The following AK9 variants were observed in gnomAD, a reference collection of about 807,000 sequenced individuals.
AK9 encodes adenylate kinase 9.
In AK9, 191 loss-of-function variants were observed where a neutral mutation model predicts 239.6. That is an observed-to-expected ratio of 0.80 (90% CI 0.71 to 0.90). AK9 has a LOEUF of 0.90. Ranked by LOEUF, AK9 falls within the 40% of genes least tolerant of loss-of-function variation. AK9 has a pLI of 0.00. For synonymous variants in AK9, 689 were observed against 721.0 expected, an observed-to-expected ratio of 0.96 and a Z score of 0.71; for missense variants, 1,995 against 2,214.7, an observed-to-expected ratio of 0.90 and a Z score of 1.99.
rs894038870 is a variant in AK9 at position 109,661,074 on chromosome 6, C to G, written c.444+1477G>C. The G allele has an allele frequency of 2.3e-4, 75 of 328,780 alleles. 1 individual carries two copies. Among genetic ancestry groups the G allele is most frequent in the African/African-American group, 1.4e-3 (68 of 47,514 alleles). 20.4% of individuals were successfully genotyped at this position (328,780 alleles called of 1,614,324 possible). A position where few individuals can be genotyped will look rare whatever the true frequency, so the allele number is the denominator to read the frequency against. On this transcript the variant is annotated intron_variant, in intron 6 of 40. Coordinates refer to ENST00000424296, the MANE Select transcript of AK9 (RefSeq NM_001145128.3). The stretch of plus-strand genomic sequence containing the variant: ...TTTATGGATCTTGGGCTAAGAGCTT[C>G]TGCTCTAGAAATTCCAGGCTTATTC...
chr6:109,601,938 C>T (rs1295286435), intron 17 of AK9, among the ~76,000 whole-genome samples: 1 of 152,084 alleles, frequency 6.6e-6, no homozygotes, highest in African/African-American at 2.4e-5. Flanking sequence ...GTAGATCTTC[C>T]TCCATCCCTT....
chr6:109,658,478 A>C (rs1799993185), intron 7 of AK9, among the ~76,000 whole-genome samples: 1 of 152,190 alleles, frequency 6.6e-6, no homozygotes, highest in Non-Finnish European at 1.5e-5. Flanking sequence ...AAAGGGTTAG[A>C]CTTAGGCTAT....
intron 17 of AK9, among the ~76,000 whole-genome samples, chr6:109,597,843 G>T (rs1791266528): frequency 6.6e-6 from 1 of 152,038 alleles, no homozygotes; most frequent in Admixed American, 6.6e-5. Context: ...AGAAAAAAAG[G>T]AAAGTACAAC....
At chr6:109,655,335 A>T (rs1310225365) in intron 8 of AK9, among the ~76,000 whole-genome samples, 2 of 152,092 alleles carry the variant, frequency 1.3e-5, no homozygotes, top group African/African-American at 4.8e-5. Context: ...ATCATTCTTC[A>T]TTTTTGTTAA....
At chr6:109,682,215 G>T (rs576278864) in intron 1 of AK9, among the ~76,000 whole-genome samples, 1 of 152,046 alleles carries the variant, frequency 6.6e-6, no homozygotes, top group African/African-American at 2.4e-5. Context: ...CACAAGGTCA[G>T]GAGATCAAGA....
chr6:109,678,873 T>C (rs1441102208), intron 1 of AK9, among the ~76,000 whole-genome samples: 1 of 152,124 alleles, frequency 6.6e-6, no homozygotes, highest in Non-Finnish European at 1.5e-5. Context: ...CTCCCTCCCC[T>C]AGCCAAGGGA....
rs1329551835 is a variant in AK9, at chr6:109,659,280, T to C, written c.578A>G (p.Lys193Arg). The C allele has an allele frequency of 1.0e-5, 16 of 1,605,340 alleles. No homozygotes were observed. The highest frequency in any genetic ancestry group is 1.7e-5 in the Admixed American group (1 of 57,816). The change falls in exon 7 of 41, where the codon AAG becomes AGG. Residue 193 changes from lysine to arginine, a missense_variant. Physicochemically the swap from Lys to Arg is conservative, Grantham distance 26 (BLOSUM62 2). Around this residue, in one of 5 missense-constraint regions of AK9, gnomAD observed 252 missense variants for 246.4 expected, o/e 1.02. Coordinates refer to ENST00000424296, the MANE Select transcript of AK9 (RefSeq NM_001145128.3). ...TTCTTCCTCTTCTCCTTTTCCGTCC[T>C]TTTGGGCTTCTTTCTTCTTTTTCCT... The part of the protein sequence containing the change: ...NHRKKKKEAQ[K>R]DGKGEEEEEE...
chr6:109,673,176 T>C (rs1272453747), intron 3 of AK9, among the ~76,000 whole-genome samples: 1 of 152,144 alleles, frequency 6.6e-6, no homozygotes, highest in African/African-American at 2.4e-5. Context: ...AGTAAACTTT[T>C]TGAACAAAGA....
At chr6:109,507,099 A>C (rs1038752222) in intron 33 of AK9, among the ~76,000 whole-genome samples, 1 of 152,142 alleles carries the variant, frequency 6.6e-6, no homozygotes, top group Non-Finnish European at 1.5e-5. Flanking sequence ...TTGACAGATA[A>C]CTCCCACAGT....
chr6:109,495,911 G>C (rs1440199884), intron 38 of AK9, among the ~76,000 whole-genome samples: 2 of 151,344 alleles, frequency 1.3e-5, no homozygotes, highest in African/African-American at 4.9e-5. Flanking sequence ...TCCCTGCCCT[G>C]GCATCTTTGC....
intron 38 of AK9, among the ~76,000 whole-genome samples, chr6:109,497,124 T>A (rs1777120081): frequency 6.6e-6 from 1 of 151,936 alleles, no homozygotes; most frequent in Admixed American, 6.6e-5. Context: ...TTGGAACATG[T>A]CCCTCTTTTC....
intron 8 of AK9, among the ~76,000 whole-genome samples, chr6:109,645,787 C>T (rs1199470706): frequency 6.6e-6 from 1 of 152,226 alleles, no homozygotes; most frequent in Non-Finnish European, 1.5e-5. Context: ...AGTAGCCTAA[C>T]TTGGAGACAC....
chr6:109,563,570 G>C, intron 24 of AK9, 27 bp downstream of exon 24: 8 of 1,547,056 alleles, frequency 5.2e-6, no homozygotes, highest in Non-Finnish European at 7.0e-6. Flanking sequence ...TCACAAATGA[G>C]AATGAGTAGA....
At chr6:109,648,340 C>T (rs1459383814) in intron 8 of AK9, among the ~76,000 whole-genome samples, 2 of 151,928 alleles carry the variant, frequency 1.3e-5, no homozygotes, top group African/African-American at 4.8e-5. Flanking sequence ...TGATAGAACG[C>T]TAGCAAGACT....
intron 16 of AK9, among the ~76,000 whole-genome samples, 196 bp from the exon 17 acceptor site, chr6:109,610,709 C>G (rs1005052159): frequency 1.2e-4 from 19 of 152,056 alleles, no homozygotes; most frequent in African/African-American, 4.6e-4. Context: ...CGCAAACTCT[C>G]AGAGAAGTAA....
At chr6:109,628,742 T>A (rs191062055) in intron 12 of AK9, among the ~76,000 whole-genome samples, 41 of 152,340 alleles carry the variant, frequency 2.7e-4, no homozygotes, top group African/African-American at 9.9e-4. Context: ...TTTTTTCCAC[T>A]GACAACTCAG....
intron 13 of AK9, among the ~76,000 whole-genome samples, chr6:109,618,079 A>T (rs1794391005): frequency 1.3e-5 from 2 of 152,218 alleles, no homozygotes; most frequent in African/African-American, 4.8e-5. Flanking sequence ...TCAGAAAAAC[A>T]TAATTAGGAA....
At chr6:109,662,903 C>CA (rs1189771052) in intron 5 of AK9, among the ~76,000 whole-genome samples, 1 of 151,778 alleles carries the variant, frequency 6.6e-6, no homozygotes, top group Non-Finnish European at 1.5e-5. Flanking sequence ...TTGAAAACTC[C>CA]AAGTCAATTT....
intron 17 of AK9, among the ~76,000 whole-genome samples, chr6:109,603,009 G>T (rs1792263276): frequency 6.6e-6 from 1 of 152,148 alleles, no homozygotes; most frequent in Non-Finnish European, 1.5e-5. Context: ...TCTTTGCGAT[G>T]GGTTCGAACT....
Sources: allele counts gnomAD v4.1 joint callset (sites outside exome capture counted in the v4.1 genomes callset), GRCh38; gene constraint gnomAD v4.1.1; regional missense constraint gnomAD v4.1.1; transcripts MANE v1.5; gene names NCBI Gene and HGNC (gene_info 2026-07-23, HGNC 2026-07-21).